The following CABP1 variants were observed in gnomAD, a reference collection of about 807,000 sequenced individuals.
The protein encoded by CABP1 is calcium binding protein 1.
CABP1 carries 17 observed loss-of-function variants against 34.3 expected under a neutral mutation model. The ratio of observed to expected loss-of-function variants is 0.50; its 90% CI spans 0.34 to 0.74. CABP1 has a LOEUF of 0.74. Ranked by LOEUF, CABP1 falls within the 30% of genes least tolerant of loss-of-function variation. The pLI, the probability that CABP1 is intolerant of heterozygous loss-of-function variation, is 0.01. For synonymous variants in CABP1, 198 were observed against 229.2 expected (o/e 0.86, Z 1.23); for missense variants, 373 against 511.1 (o/e 0.73, Z 2.61).
At chr12:120,649,620 G>A (rs1179340141) in intron 1 of CABP1, among the ~76,000 whole-genome samples, 1 of 152,162 alleles carries the variant, frequency 6.6e-6, no homozygotes, top group African/African-American at 2.4e-5. Flanking sequence ...TGCTGTGGAT[G>A]AGGCAGGGGG....
chr12:120,671,248 T>C (rs528669808), downstream of CABP1, among the ~76,000 whole-genome samples: 1 of 152,020 alleles, frequency 6.6e-6, no homozygotes, highest in Non-Finnish European at 1.5e-5. Context: ...CTACTAAAAA[T>C]ACAAAAATTA....
intron 5 of CABP1, among the ~76,000 whole-genome samples, chr12:120,663,448 G>A (rs764356820): frequency 9.9e-5 from 15 of 151,736 alleles, no homozygotes; most frequent in Non-Finnish European, 2.1e-4. Context: ...CTAATTTTTT[G>A]TATTTTTAGT....
intron 1 of CABP1, chr12:120,656,202 C>T: frequency 1.2e-6 from 2 of 1,606,780 alleles, no homozygotes; most frequent in Non-Finnish European, 1.7e-6. Flanking sequence ...CAGAACTGCG[C>T]AGTCATGCAC....
intron 1 of CABP1, chr12:120,659,635 G>C (rs1880495401): frequency 2.1e-6 from 1 of 478,966 alleles, no homozygotes. Flanking sequence ...CAGAGGTTCT[G>C]TGCCCAGGCT....
the CABP1 span, among the ~76,000 whole-genome samples, chr12:120,679,389 C>T: frequency 6.6e-6 from 1 of 152,100 alleles, no homozygotes; most frequent in Admixed American, 6.5e-5. Flanking sequence ...TTTAGCTTCT[C>T]ATCTGCAAAA....
chr12:120,666,473 CA>C (rs55848637), intron 5 of CABP1, among the ~76,000 whole-genome samples: 16,399 of 80,868 alleles, frequency 0.2, 794 homozygotes, highest in East Asian at 0.35. Flanking sequence ...GACTCCATCT[CA>C]AAAAAAAAAA....
Position 120,666,939 on chromosome 12 carries a change from G to A in CABP1, c.*39G>A, listed in dbSNP as rs920630552. 6.3e-7 allele frequency: 1 copy of A among 1,587,380 alleles called. No individual in the cohort carries two copies. On this transcript the variant is annotated 3_prime_UTR_variant, in exon 6 of 6. Transcript: ENST00000316803. ...CCTCCAGGACTGCCAAGCTCCCAAA[G>A]GCGGGGCTAAGAGGAGCTAGAGCTT...
At chr12:120,672,948 T>A in the CABP1 span, among the ~76,000 whole-genome samples, 1 of 152,128 alleles carries the variant, frequency 6.6e-6, no homozygotes, top group Non-Finnish European at 1.5e-5. Context: ...GAGAATAGCT[T>A]GAACCTCGGA....
At chr12:120,675,733 T>C in the CABP1 span, among the ~76,000 whole-genome samples, 1 of 152,196 alleles carries the variant, frequency 6.6e-6, no homozygotes, top group Non-Finnish European at 1.5e-5. Flanking sequence ...AGACCATTTC[T>C]ACCTTGTCCA....
At chr12:120,650,035 T>TTG (rs10599146) in intron 1 of CABP1, 50,399 of 149,126 alleles carry the variant, frequency 0.34, 9,866 homozygotes, top group East Asian at 0.45. Context: ...GCATGCACGT[T>TTG]TGTGTGTGTG....
rs1814209807 is a variant in CABP1 at position 120,640,730 on chromosome 12, C to T, written c.45C>T (p.Gly15=). ...DGAAFKRPGD[G]ARLQRVLGLG... ...CCGCATTTAAGCGGCCGGGGGACGG[C>T]GCCCGCCTCCAGCGCGTCCTCGGGC... Residue 15 remains glycine, a synonymous_variant, in exon 1 of 6, where the codon GGC becomes GGT. Transcript: ENST00000316803. This position sits in a 1 kb window ranked among gnomAD's most constrained non-coding sequence, Gnocchi z 6.2. 2 of 1,183,080 alleles carry T rather than the reference C, an allele frequency of 1.7e-6. No homozygotes were observed. Among genetic ancestry groups the T allele is most frequent in the African/African-American group, 1.6e-5 (1 of 62,136 alleles). The allele number at this position is 1,183,080 out of a possible 1,614,324, so 73.3% of individuals were successfully genotyped here. A position where few individuals can be genotyped will look rare whatever the true frequency, so the allele number is the denominator to read the frequency against.
intron 1 of CABP1, chr12:120,656,193 A>G (rs767313209): frequency 1.2e-6 from 2 of 1,612,682 alleles, no homozygotes; most frequent in South Asian, 1.1e-5. Context: ...ATGCTGGCCC[A>G]GAACTGCGCA....
At chr12:120,680,806 C>T in the CABP1 span, among the ~76,000 whole-genome samples, 1 of 151,918 alleles carries the variant, frequency 6.6e-6, no homozygotes, top group East Asian at 1.9e-4. Context: ...GTCTTCTGCC[C>T]CCAACCCTAT....
At chr12:120,657,542 G>A (rs1190479881) in intron 1 of CABP1, among the ~76,000 whole-genome samples, 2 of 152,152 alleles carry the variant, frequency 1.3e-5, no homozygotes, top group South Asian at 2.1e-4. Flanking sequence ...GGAGAAAGGC[G>A]TGTTCCTGCA....
chr12:120,665,754 G>A (rs192469200), intron 5 of CABP1, among the ~76,000 whole-genome samples: 1 of 152,144 alleles, frequency 6.6e-6, no homozygotes, highest in East Asian at 1.9e-4. Context: ...CGGCGCGGTG[G>A]CTCACGCCTG....
intron 1 of CABP1, among the ~76,000 whole-genome samples, chr12:120,657,371 T>C (rs955449069): frequency 6.6e-6 from 1 of 152,192 alleles, no homozygotes; most frequent in Non-Finnish European, 1.5e-5. Flanking sequence ...GAATGCACAC[T>C]AAGGCCCTGT....
At chr12:120,658,899 G>A (rs1478234197) in intron 1 of CABP1, 5 of 152,294 alleles carry the variant, frequency 3.3e-5, no homozygotes, top group Non-Finnish European at 7.3e-5. Flanking sequence ...GCCACTTTTG[G>A]AGTCTACTAA....
intron 1 of CABP1, among the ~76,000 whole-genome samples, chr12:120,649,527 G>A (rs1267180322): frequency 6.6e-6 from 1 of 152,178 alleles, no homozygotes. Flanking sequence ...CATCTAAAAA[G>A]CTCCAGCTGT....
intron 1 of CABP1, among the ~76,000 whole-genome samples, chr12:120,647,212 G>A (rs1489633292): frequency 2.0e-5 from 3 of 152,082 alleles, no homozygotes; most frequent in East Asian, 1.9e-4. Context: ...GGAAGACGGC[G>A]CTTTCTAGAT....
Sources: gnomAD v4.1 joint callset for allele counts (sites outside exome capture counted in the v4.1 genomes callset) on GRCh38, gnomAD v4.1.1 for gene constraint, Gnocchi (gnomAD v3.1) non-coding constraint, MANE v1.5 for transcripts, NCBI Gene and HGNC (gene_info 2026-07-23, HGNC 2026-07-21) for gene names.